Variants in TTN observed in about 807,000 individuals in gnomAD.
TTN encodes the protein titin.
A neutral mutation model predicts 3,223.0 loss-of-function variants in TTN; 1,525 were observed. The observed-to-expected ratio is 0.47, with a 90% CI of 0.45 to 0.49. TTN has a LOEUF of 0.49. TTN is among the 20% of genes least tolerant of loss of function. The probability of loss-of-function intolerance (pLI) is 0.00; values close to 1 mark genes in which losing one functional copy is unlikely to be tolerated. For missense variants in TTN, 40,786 were observed against 43,424.0 expected (o/e 0.94, Z 5.40); for synonymous variants, 14,094 against 15,161.0 (o/e 0.93, Z 5.17).
chr2:178,788,801 T>A (rs1574850913), intron 13 of TTN, among the ~76,000 whole-genome samples: 1 of 152,066 alleles, frequency 6.6e-6, no homozygotes, highest in South Asian at 2.1e-4. Flanking sequence ...TTAATATGCA[T>A]CTTGTTTAGC....
At chr2:178,635,877 T>C (rs1271127617) in intron 226 of TTN, 86 bp downstream of exon 226, 1 of 1,525,390 alleles carries the variant, frequency 6.6e-7, no homozygotes, top group Non-Finnish European at 8.8e-7. Flanking sequence ...AGATTTCTGA[T>C]ATTGTAATAC....
chr2:178,632,990 G>C lies in TTN; in HGVS notation c.43141C>G (p.Gln14381Glu), dbSNP rs754568652. 6.2e-7 allele frequency: 1 copy of C among 1,613,190 alleles called. No homozygotes were observed. The highest frequency in any genetic ancestry group is 2.2e-5 in the East Asian group (1 of 44,746). ...GAAACCTCTCCTGTCATACCCAGCT[G>C]ACAGTTATGAAGGATCAGAATATGC... The part of the protein sequence containing the change: ...KKHILILHNC[Q>E]LGMTGEVSFQ... Residue 14381 changes from glutamine to glutamate, a missense_variant, in exon 234 of 363, where the codon CAG (glutamine) becomes GAG (glutamate). Gln to Glu is a conservative substitution (Grantham distance 29). Transcript: ENST00000589042.
Position 178,727,876 on chromosome 2 carries a change from A to G in TTN, c.19715-13T>C, listed in dbSNP as rs2079632458. ...AAGCTTGGTGGTTCTATAGATTTTA[A>G]GAGAGATATATTTAATTAAATTGCT... On this transcript the variant is annotated splice_polypyrimidine_tract_variant and intron_variant, in intron 67 of 362. Coordinates refer to ENST00000589042, the MANE Select transcript of TTN (RefSeq NM_001267550.2). The G allele has an allele frequency of 1.3e-6, 2 of 1,544,650 alleles. No individual in the cohort carries two copies. Among genetic ancestry groups the G allele is most frequent in the African/African-American group, 2.8e-5 (2 of 72,270 alleles).
rs893930756 is a variant in TTN, at chr2:178,794,617, A to G, written c.1246-66T>C. The stretch of plus-strand genomic sequence containing the variant: ...CATGCCCAGTAGAAAATAAAAAAGC[A>G]TACTGGAAAACTGAGCCACCTAGAG... On this transcript the variant is annotated intron_variant, in intron 7 of 362. Transcript: ENST00000589042. 1.9e-6 allele frequency: 3 copies of G among 1,607,348 alleles called. No homozygotes were observed. The Admixed American group carries it at 5.0e-5, about 27-fold the overall frequency.
At position 178,665,446 on chromosome 2, in the gene TTN, T is replaced by A; in HGVS notation, c.35974A>T (p.Lys11992Ter). 6 of 1,612,374 alleles carry A rather than the reference T, an allele frequency of 3.7e-6. No homozygotes were observed. The highest frequency in any genetic ancestry group is 4.2e-6 in the Non-Finnish European group (5 of 1,179,560). The change falls in exon 165 of 363, where the codon AAA becomes TAA. Residue 11992 changes from lysine (K) to a stop codon, truncating the protein, a stop_gained. Transcript: ENST00000589042. LOFTEE classifies it high-confidence loss of function. Reference protein sequence around the residue: ...IPPTKAPEAMKEVVPEMKIFE... With the variant: ...IPPTKAPEAM ...ATTTTCATTTCAGGGACAACTTCTT[T>A]CATAGCTTCTGGTGCTTTGAAGATA... is the stretch of plus-strand genomic sequence containing the variant.
Position 178,714,465 on chromosome 2 carries a change from A to G in TTN, c.26309T>C (p.Phe8770Ser). 1 of 1,613,638 alleles carries G rather than the reference A, an allele frequency of 6.2e-7. No individual in the cohort carries two copies. Among genetic ancestry groups the G allele is most frequent in the Non-Finnish European group, 8.5e-7 (1 of 1,179,694 alleles). ...EGAEPISVVW[F>S]KDKGEIVRES... ...TCTAACGATTTCTCCCTTATCTTTG[A>G]ACCACACCACTGAAATGGGTTCAGC... The change falls in exon 91 of 363, where the codon TTC becomes TCC. Residue 8770 changes from phenylalanine (F) to serine (S), a missense_variant. Transcript: ENST00000589042.
intron 102 of TTN, 30 bp downstream of exon 102, chr2:178,706,424 T>G (rs772073594): frequency 5.1e-6 from 8 of 1,573,034 alleles, no homozygotes; most frequent in South Asian, 1.2e-5. Flanking sequence ...GAGGGCTGAT[T>G]GTACGATTTG....
intron 3 of TTN, among the ~76,000 whole-genome samples, chr2:178,801,721 G>A (rs1396316875): frequency 6.6e-6 from 1 of 152,062 alleles, no homozygotes; most frequent in African/African-American, 2.4e-5. Flanking sequence ...CCTCTTAAAT[G>A]GGTGGTCTGT....
chr2:178,569,483 TCACCATC>T lies in TTN; in HGVS notation c.76642_76648del (p.Asp25548LysfsTer7). On this transcript the variant is annotated frameshift_variant, in exon 326 of 363. Transcript: ENST00000589042. LOFTEE classifies it high-confidence loss of function. ...ATCAATTATAGCTGCATCTCGGATT[TCACCATC>T]CACCTTTCCCCATTTAACTTCTGGT... 1 of 1,612,732 alleles carries T rather than the reference TCACCATC, an allele frequency of 6.2e-7. No individual in the cohort carries two copies. The highest frequency in any genetic ancestry group is 8.5e-7 in the Non-Finnish European group (1 of 1,179,118).
At position 178,584,891 on chromosome 2, in the gene TTN, G is replaced by A. The variant is rs762924797; in HGVS notation, c.64750C>T (p.Pro21584Ser). 1 of 1,613,318 alleles carries A rather than the reference G, an allele frequency of 6.2e-7. No individual in the cohort carries two copies. The highest frequency in any genetic ancestry group is 1.1e-5 in the South Asian group (1 of 91,054). The change falls in exon 310 of 363, where the codon CCT (proline) becomes TCT (serine). Residue 21584 changes from proline (P) to serine (S), a missense_variant. Physicochemically the swap from Pro to Ser is moderately conservative, Grantham distance 74. Coordinates refer to ENST00000589042, the MANE Select transcript of TTN (RefSeq NM_001267550.2). Reference protein sequence around the residue: ...ADACSLSWHIPLEDGGSNITN... With the variant: ...ADACSLSWHISLEDGGSNITN... ...ATGTTACTGCCTCCGTCCTCCAGAGGGATGTGCCATGACAGGGAGCAAGCA... is the reference window on the plus strand; with the variant it reads ...ATGTTACTGCCTCCGTCCTCCAGAGAGATGTGCCATGACAGGGAGCAAGCA...
chr2:178,733,926 A>T (rs147862967), intron 52 of TTN, 34 bp from the exon 53 acceptor site: 2 of 1,530,374 alleles, frequency 1.3e-6, no homozygotes, highest in African/African-American at 2.8e-5. Flanking sequence ...AAAACATATC[A>T]ATTCCCAAAC....
intron 49 of TTN, 112 bp downstream of exon 49, chr2:178,737,970 T>A: frequency 7.2e-7 from 1 of 1,384,246 alleles, no homozygotes; most frequent in Non-Finnish European, 9.8e-7. Context: ...ACTGTCTTGG[T>A]TGTTGGTCTC....
chr2:178,556,960 A>C lies in TTN; in HGVS notation c.88194T>G (p.Ser29398=), dbSNP rs1701745219. 1 of 1,613,718 alleles carries C rather than the reference A, an allele frequency of 6.2e-7. No homozygotes were observed. Among genetic ancestry groups the C allele is most frequent in the African/African-American group, 1.3e-5 (1 of 74,940 alleles). The change falls in exon 330 of 363, where the codon TCT becomes TCG. Residue 29398 remains serine (S), a synonymous_variant. Coordinates refer to ENST00000589042, the MANE Select transcript of TTN (RefSeq NM_001267550.2). ...CATACTGGGAATTCTGAGTCAAGCC[A>C]GAGATGATGAATTGAGTTTCAGTAA... The part of the protein sequence containing the change: ...TNVTETQFII[S]GLTQNSQYEF...
chr2:178,664,714 C>A lies in TTN; in HGVS notation c.36142G>T (p.Val12048Phe). 5.0e-6 allele frequency: 8 copies of A among 1,612,450 alleles called. No individual in the cohort carries two copies. Among genetic ancestry groups the A allele is most frequent in the Non-Finnish European group, 6.8e-6 (8 of 1,179,696 alleles). The change falls in exon 167 of 363, where the codon GTC becomes TTC. Residue 12048 changes from valine to phenylalanine, a missense_variant. Val to Phe is a conservative substitution (Grantham distance 50, BLOSUM62 -1). Coordinates refer to ENST00000589042, the MANE Select transcript of TTN (RefSeq NM_001267550.2). ...VKVPEALQEI[V>F]PEKKTLVVPL... ...ACCACAAGCGTTTTCTTTTCAGGGA[C>A]AATTTCTTGGAGAGCTTCAGGCACT... is the stretch of plus-strand genomic sequence containing the variant.
chr2:178,577,320 A>G lies in TTN; in HGVS notation c.69015T>C (p.Leu23005=), dbSNP rs766315045. 4 of 1,612,892 alleles carry G rather than the reference A, an allele frequency of 2.5e-6. No individual in the cohort carries two copies. In the East Asian group the frequency reaches 6.7e-5, roughly 27 times the overall value. The part of the protein sequence containing the change: ...QITSTPTSSM[L]TIKYATRKDA... ...CTTTTCTAGTGGCATACTTGATAGTAAGCATGGAAGATGTTGGGGTTGAAG... is the reference window on the plus strand; with the variant it reads ...CTTTTCTAGTGGCATACTTGATAGTGAGCATGGAAGATGTTGGGGTTGAAG... The change falls in exon 324 of 363, where the codon CTT becomes CTC. Residue 23005 remains leucine, a synonymous_variant. Coordinates refer to ENST00000589042, the MANE Select transcript of TTN (RefSeq NM_001267550.2).
In TTN at chr2:178,577,499, T is replaced by C. The variant is rs369951998; in HGVS notation, c.68836A>G (p.Ile22946Val). The change falls in exon 324 of 363, where the codon ATT (isoleucine) becomes GTT (valine). Residue 22946 changes from isoleucine (I) to valine (V), a missense_variant. Ile to Val is a conservative substitution (Grantham distance 29). Transcript: ENST00000589042. ...ICKDEYEAPT[I>V]VLDPTIKDGL... Reference sequence around the variant, plus strand: ...TCTTTTATTGTGGGATCAAGGACAATTGTTGGTGCCTCTGCAAAGAAAAAA... The same window carrying C: ...TCTTTTATTGTGGGATCAAGGACAACTGTTGGTGCCTCTGCAAAGAAAAAA... The C allele has an allele frequency of 3.2e-6, 5 of 1,583,642 alleles. No individual in the cohort carries two copies. Among genetic ancestry groups the C allele is most frequent in the Non-Finnish European group, 4.3e-6 (5 of 1,163,564 alleles).
chr2:178,586,491 C>T lies in TTN; in HGVS notation c.64396+14G>A, dbSNP rs754946782. ...AACTTACCACATGACATAAATGAAG[C>T]AAAGACTACTTACACAGTTGTTCTT... On this transcript the variant is annotated intron_variant, in intron 308 of 362. Coordinates refer to ENST00000589042, the MANE Select transcript of TTN (RefSeq NM_001267550.2). 18 of 1,609,932 alleles carry T rather than the reference C, an allele frequency of 1.1e-5. No individual in the cohort carries two copies. In the African/African-American group the frequency reaches 2.3e-4, roughly 20 times the overall value.
In TTN at chr2:178,637,371, T is replaced by C. The variant is rs745364080; in HGVS notation, c.40925A>G (p.Lys13642Arg). Residue 13642 changes from lysine to arginine, a missense_variant and splice_region_variant, in exon 224 of 363, where the codon AAA (lysine) becomes AGA (arginine). Lys to Arg is a conservative substitution (Grantham distance 26, BLOSUM62 2). Transcript: ENST00000589042. Reference sequence around the variant, plus strand: ...AGTACTAGAAAAATGAATTTCACCTTTGATAGGACCTTTTGGCTTGGCAGC... The same window carrying C: ...AGTACTAGAAAAATGAATTTCACCTCTGATAGGACCTTTTGGCTTGGCAGC... ...EEAAKPKGPI[K>R]GVPKKTPSPI... 5 of 1,470,882 alleles carry C rather than the reference T, an allele frequency of 3.4e-6. No homozygotes were observed. In the East Asian group the frequency reaches 1.1e-4, roughly 32 times the overall value. 91.1% of individuals were successfully genotyped at this position (1,470,882 alleles called of 1,614,324 possible).
intron 12 of TTN, 70 bp from the exon 13 acceptor site, chr2:178,789,567 C>G: frequency 6.3e-7 from 1 of 1,595,978 alleles, no homozygotes; most frequent in Non-Finnish European, 8.6e-7. Flanking sequence ...GACCCTTCCC[C>G]CTTCCTCATG....
Sources: allele counts gnomAD v4.1 joint callset (sites outside exome capture counted in the v4.1 genomes callset), GRCh38; gene constraint gnomAD v4.1.1; transcripts MANE v1.5; gene names NCBI Gene and HGNC (gene_info 2026-07-23, HGNC 2026-07-21).